The following CDKAL1 variants were observed in gnomAD, a reference collection of about 807,000 sequenced individuals.
CDKAL1 encodes the protein threonylcarbamoyladenosine tRNA methylthiotransferase.
Under a neutral mutation model 68.2 loss-of-function variants are expected in CDKAL1, and 32 were observed. The observed-to-expected ratio is 0.47, with a 90% CI of 0.35 to 0.63. CDKAL1 has a LOEUF of 0.63. Ranked by LOEUF, CDKAL1 falls within the 30% of genes least tolerant of loss-of-function variation. The pLI is 0.00. For missense variants in CDKAL1, 606 were observed against 696.7 expected (o/e 0.87, Z 1.47); for synonymous variants, 234 against 244.3 (o/e 0.96, Z 0.39).
At chr6:20,884,296 C>T (rs1321489838) in intron 9 of CDKAL1, among the ~76,000 whole-genome samples, 1 of 97,658 alleles carries the variant, frequency 1.0e-5, no homozygotes, top group Non-Finnish European at 2.4e-5. Flanking sequence ...ATGGAAAAAA[C>T]AAACAAACAA....
intron 6 of CDKAL1, among the ~76,000 whole-genome samples, chr6:20,745,218 A>G (rs950562589): frequency 3.3e-5 from 5 of 152,234 alleles, no homozygotes; most frequent in Non-Finnish European, 5.9e-5. Context: ...ACTTTTGACT[A>G]TTTCAAATGC....
chr6:21,117,224 T>C (rs1774460379), intron 13 of CDKAL1, among the ~76,000 whole-genome samples: 1 of 151,968 alleles, frequency 6.6e-6, no homozygotes, highest in Non-Finnish European at 1.5e-5. Flanking sequence ...TAAGTCCTGT[T>C]ACATGCCAGA....
At chr6:20,708,061 G>A (rs1461186090) in intron 5 of CDKAL1, among the ~76,000 whole-genome samples, 1 of 152,186 alleles carries the variant, frequency 6.6e-6, no homozygotes, top group African/African-American at 2.4e-5. Context: ...TTAACTGTGT[G>A]CTAGAAGAGT....
At chr6:21,168,876 C>T (rs1365707618) in intron 13 of CDKAL1, among the ~76,000 whole-genome samples, 2 of 152,156 alleles carry the variant, frequency 1.3e-5, no homozygotes, top group African/African-American at 2.4e-5. Flanking sequence ...ACCCTTTTCT[C>T]CTCTCCTCTT....
intron 6 of CDKAL1, among the ~76,000 whole-genome samples, chr6:20,755,929 G>T (rs1168184123): frequency 1.3e-5 from 2 of 152,282 alleles, no homozygotes; most frequent in Non-Finnish European, 1.5e-5. Context: ...ACTCTTAGCA[G>T]ATGAACTTCT....
chr6:20,620,982 A>T (rs376095969), intron 4 of CDKAL1, among the ~76,000 whole-genome samples: 1 of 152,014 alleles, frequency 6.6e-6, no homozygotes, highest in South Asian at 2.1e-4. Flanking sequence ...AGGACACCAT[A>T]TTACATTTAC....
At position 21,223,829 on chromosome 6, in the gene CDKAL1, T is replaced by G. The variant is rs1017307027; in HGVS notation, c.1549-7019T>G. Reference sequence around the variant, plus strand: ...GGAGGCCTGTTTCCTCCCCATTTTCTTAGGAAGCAGCTAGCTCAGCAAGTC... The same window carrying G: ...GGAGGCCTGTTTCCTCCCCATTTTCGTAGGAAGCAGCTAGCTCAGCAAGTC... On this transcript the variant is annotated intron_variant, in intron 15 of 15. Transcript: ENST00000274695. Among the ~76,000 whole-genome samples the G allele has an allele frequency of 2.0e-5, 3 of 152,270 alleles. No homozygotes were observed. In the East Asian group the frequency reaches 5.8e-4, roughly 29 times the overall value.
At chr6:20,823,441 C>A (rs1231797131) in intron 8 of CDKAL1, among the ~76,000 whole-genome samples, 2 of 152,030 alleles carry the variant, frequency 1.3e-5, no homozygotes, top group African/African-American at 4.8e-5. Flanking sequence ...TTAATATTTG[C>A]TAATCTAAAT....
At chr6:20,668,303 G>A (rs978705082) in intron 5 of CDKAL1, among the ~76,000 whole-genome samples, 8 of 152,194 alleles carry the variant, frequency 5.3e-5, no homozygotes, top group African/African-American at 1.9e-4. Context: ...ATACTGCTTA[G>A]AAGAATGTTT....
chr6:20,921,123 C>G (rs182007710), intron 9 of CDKAL1, among the ~76,000 whole-genome samples: 1 of 152,090 alleles, frequency 6.6e-6, no homozygotes, highest in Non-Finnish European at 1.5e-5. Context: ...GGTTGTTACA[C>G]CTGTCTTTAA....
At chr6:20,671,838 A>G (rs898941228) in intron 5 of CDKAL1, among the ~76,000 whole-genome samples, 4 of 152,128 alleles carry the variant, frequency 2.6e-5, no homozygotes, top group African/African-American at 7.2e-5. Context: ...TCATGGACCA[A>G]CATGATTCTC....
chr6:20,977,873 G>A lies in CDKAL1; in HGVS notation c.909+22288G>A, dbSNP rs113293772. ...AGCCTGAGCAACAGAGTGAGACTCCGTCTCAAAATATTAATGATAATAATA... is the reference window on the plus strand; with the variant it reads ...AGCCTGAGCAACAGAGTGAGACTCCATCTCAAAATATTAATGATAATAATA... On this transcript the variant is annotated intron_variant, in intron 10 of 15. Transcript: ENST00000274695. Among the ~76,000 whole-genome samples, 326 of 152,138 alleles carry A rather than the reference G, an allele frequency of 2.1e-3. 3 individuals carry two copies. The highest frequency in any genetic ancestry group is 7.1e-3 in the African/African-American group (293 of 41,512).
intron 9 of CDKAL1, among the ~76,000 whole-genome samples, chr6:20,876,817 T>G (rs764519930): frequency 2.6e-5 from 4 of 152,222 alleles, no homozygotes; most frequent in Non-Finnish European, 4.4e-5. Flanking sequence ...AACAACTAGT[T>G]AAAAGGTTGG....
chr6:20,840,077 C>T (rs142398038), intron 8 of CDKAL1, among the ~76,000 whole-genome samples: 4 of 152,224 alleles, frequency 2.6e-5, no homozygotes, highest in Admixed American at 2.6e-4. Flanking sequence ...AATTCAAATG[C>T]AATTGGAAGG....
At chr6:20,772,488 A>G (rs1211778181) in intron 7 of CDKAL1, among the ~76,000 whole-genome samples, 2 of 152,252 alleles carry the variant, frequency 1.3e-5, no homozygotes, top group African/African-American at 4.8e-5. Flanking sequence ...TATAGTAATT[A>G]AAACATAAAA....
intron 4 of CDKAL1, among the ~76,000 whole-genome samples, chr6:20,647,987 A>G (rs1207100218): frequency 6.7e-6 from 1 of 150,126 alleles, no homozygotes; most frequent in Non-Finnish European, 1.5e-5. Flanking sequence ...AGGCAGGAGA[A>G]TGTCGTGAAC....
chr6:20,888,714 G>A (rs550930273), intron 9 of CDKAL1, among the ~76,000 whole-genome samples: 1 of 151,928 alleles, frequency 6.6e-6, no homozygotes, highest in South Asian at 2.1e-4. Flanking sequence ...CATTTTTTAT[G>A]GCTGCGTAGA....
intron 4 of CDKAL1, among the ~76,000 whole-genome samples, chr6:20,575,908 CCCTTA>C (rs1404321366): frequency 1.3e-5 from 2 of 152,112 alleles, no homozygotes; most frequent in Non-Finnish European, 2.9e-5. Flanking sequence ...TCTGTCGTGC[CCCTTA>C]CCTTTAAACT....
intron 12 of CDKAL1, among the ~76,000 whole-genome samples, chr6:21,074,456 A>G (rs910152318): frequency 6.6e-6 from 1 of 152,192 alleles, no homozygotes; most frequent in Admixed American, 6.5e-5. Context: ...TTAGGACTTC[A>G]GTATGACTTT....
Sources: allele counts gnomAD v4.1 joint callset (sites outside exome capture counted in the v4.1 genomes callset), GRCh38; gene constraint gnomAD v4.1.1; transcripts MANE v1.5; gene names NCBI Gene and HGNC (gene_info 2026-07-23, HGNC 2026-07-21).